The following NPC1 variants were observed in gnomAD, a reference collection of about 807,000 sequenced individuals.
NPC1 encodes the protein Niemann-Pick C1 protein.
In NPC1, 85 loss-of-function variants were observed where a neutral mutation model predicts 140.4. The ratio of observed to expected loss-of-function variants is 0.61; its 90% CI spans 0.51 to 0.72. NPC1 has a LOEUF of 0.72. NPC1 is among the 30% of genes least tolerant of loss of function. The pLI is 0.00. For synonymous variants in NPC1, 656 were observed against 624.8 expected (o/e 1.05, Z -0.74); for missense variants, 1,504 against 1,623.8 (o/e 0.93, Z 1.27).
At chr18:23,531,408 G>T, downstream of NPC1, 1 of 904,054 alleles carries the variant, frequency 1.1e-6, no homozygotes, top group Non-Finnish European at 1.6e-6. Flanking sequence ...ATGTAAGACG[G>T]CATTTAGTTA....
intron 4 of NPC1, among the ~76,000 whole-genome samples, chr18:23,565,107 T>C (rs1297641107): frequency 1.3e-5 from 2 of 152,192 alleles, no homozygotes; most frequent in Non-Finnish European, 2.9e-5. Flanking sequence ...CTTCCTATTT[T>C]GTTCTTTTTT....
chr18:23,535,408 C>A, intron 22 of NPC1, 61 bp downstream of exon 22: 3 of 1,204,640 alleles, frequency 2.5e-6, no homozygotes, highest in Non-Finnish European at 3.6e-6. Flanking sequence ...GAATCTAAGA[C>A]AGCCAATTCC....
Position 23,515,593 on chromosome 18 carries a change from A to T in NPC1, c.432-8951T>A, listed in dbSNP as rs1002876774. Among the ~76,000 whole-genome samples the T allele has an allele frequency of 2.0e-5, 3 of 152,128 alleles. No homozygotes were observed. In the South Asian group the frequency reaches 6.2e-4, roughly 32 times the overall value. ...ACTCACGCTGGAGTGTGATGGTGCAATCTTGACTCACTGCAACCTCTGCCT... is the reference window on the plus strand; with the variant it reads ...ACTCACGCTGGAGTGTGATGGTGCATTCTTGACTCACTGCAACCTCTGCCT... On this transcript the variant is annotated intron_variant, in intron 3 of 3. Coordinates refer to the NPC1 transcript ENST00000591107.
intron 1 of NPC1, among the ~76,000 whole-genome samples, chr18:23,575,537 A>G (rs958835326): frequency 6.6e-5 from 10 of 152,108 alleles, no homozygotes; most frequent in African/African-American, 1.9e-4. Flanking sequence ...GTTCCTGTGA[A>G]GATCAAATAA....
rs559640828 is a variant in NPC1, at chr18:23,517,274, C to T, written c.432-10632G>A. Among the ~76,000 whole-genome samples, 28 of 151,954 alleles carry T rather than the reference C, an allele frequency of 1.8e-4. 1 individual carries two copies. In the East Asian group the frequency reaches 3.5e-3, roughly 19 times the overall value. On this transcript the variant is annotated intron_variant, in intron 3 of 3. Coordinates refer to the NPC1 transcript ENST00000591107. ...AAGCGATTCTCCTGCCTCAGCCTCC[C>T]GAGTAGCTGGGACTACAGGTGCGTG...
Position 23,557,278 on chromosome 18 carries a change from T to C in NPC1, c.882-88A>G, listed in dbSNP as rs2058968473. The C allele has an allele frequency of 5.2e-5, 51 of 984,844 alleles. 1 individual carries two copies. In the South Asian group the frequency reaches 6.1e-4, roughly 12 times the overall value. 61.0% of individuals were successfully genotyped at this position (984,844 alleles called of 1,614,324 possible). A position where few individuals can be genotyped will look rare whatever the true frequency, so the allele number is the denominator to read the frequency against. ...ACATTCCTGTAATCCCATGAAATGC[T>C]TTCTTCCTCCTCCTGGCCTCCTCCT... On this transcript the variant is annotated intron_variant, in intron 6 of 24. Transcript: ENST00000269228.
chr18:23,582,177 A>G (rs543819574), intron 1 of NPC1: 1 of 152,290 alleles, frequency 6.6e-6, no homozygotes, highest in East Asian at 1.9e-4. Flanking sequence ...TGTTGTGTCT[A>G]GGGAAGCCAA....
chr18:23,548,099 T>C lies in NPC1; in HGVS notation c.1664A>G (p.Tyr555Cys). Residue 555 changes from tyrosine to cysteine, a missense_variant, in exon 11 of 25, where the codon TAC becomes TGC. Tyr to Cys is a radical substitution (Grantham distance 194). Coordinates refer to ENST00000269228, the MANE Select transcript of NPC1 (RefSeq NM_000271.5). ...LVLGGYDDQN[Y>C]NNATALVITF... ...AATCACAAGGGCAGTGGCGTTATTGTAGTTTTGATCTAGAAAGGAAAAATG... is the reference window on the plus strand; with the variant it reads ...AATCACAAGGGCAGTGGCGTTATTGCAGTTTTGATCTAGAAAGGAAAAATG... 3.1e-6 allele frequency: 5 copies of C among 1,604,260 alleles called. No homozygotes were observed. The highest frequency in any genetic ancestry group is 4.3e-6 in the Non-Finnish European group (5 of 1,171,236).
At chr18:23,548,320 T>C (rs1043385825) in intron 10 of NPC1, among the ~76,000 whole-genome samples, 2 of 151,030 alleles carry the variant, frequency 1.3e-5, no homozygotes, top group Non-Finnish European at 2.9e-5. Flanking sequence ...GGCATGGTTA[T>C]CATTCAGGAA....
intron 6 of NPC1, among the ~76,000 whole-genome samples, chr18:23,558,520 G>T (rs2058987821): frequency 6.6e-6 from 1 of 152,154 alleles, no homozygotes; most frequent in African/African-American, 2.4e-5. Flanking sequence ...AGAGTGTTAA[G>T]GCCAGAAAAG....
downstream of NPC1, chr18:23,524,310 CA>C: frequency 6.7e-7 from 1 of 1,487,144 alleles, no homozygotes; most frequent in Admixed American, 1.7e-5. Context: ...CCTGACTGTC[CA>C]GGGGCCTCGC....
intron 1 of NPC1, among the ~76,000 whole-genome samples, chr18:23,583,166 T>C (rs2059377478): frequency 6.8e-6 from 1 of 148,080 alleles, no homozygotes; most frequent in African/African-American, 2.5e-5. Context: ...TTGTAGATGA[T>C]ATTGGAGAGC....
At chr18:23,518,959 G>A, downstream of NPC1, 1 of 1,614,090 alleles carries the variant, frequency 6.2e-7, no homozygotes, top group Non-Finnish European at 8.5e-7. Flanking sequence ...GAGCGGAGGT[G>A]GTCCTCTATC....
intron 4 of NPC1, among the ~76,000 whole-genome samples, chr18:23,567,424 T>C (rs1299067277): frequency 6.6e-6 from 1 of 152,232 alleles, no homozygotes; most frequent in Non-Finnish European, 1.5e-5. Context: ...TATTTACCAC[T>C]GTATGCCTTC....
intron 1 of NPC1, among the ~76,000 whole-genome samples, chr18:23,574,537 AGTCT>A (rs1363804563): frequency 6.6e-6 from 1 of 152,222 alleles, no homozygotes; most frequent in East Asian, 1.9e-4. Context: ...AAGCTAAGTC[AGTCT>A]GTGTTGGTCC....
intron 19 of NPC1, 97 bp from the exon 20 acceptor site, chr18:23,538,768 T>A (rs1044176588): frequency 1.5e-6 from 2 of 1,294,578 alleles, no homozygotes; most frequent in South Asian, 2.4e-5. Context: ...ATTACTTTCT[T>A]CTCTATCGAT....
intron 3 of NPC1, among the ~76,000 whole-genome samples, chr18:23,514,083 T>C (rs1001876470): frequency 6.6e-6 from 1 of 152,238 alleles, no homozygotes. Flanking sequence ...GGGGAACTAA[T>C]TTAGAGGGTG....
chr18:23,576,514 T>G, intron 1 of NPC1: 1 of 997,574 alleles, frequency 1.0e-6, no homozygotes, highest in Non-Finnish European at 1.2e-6. Flanking sequence ...TTAGGCACTA[T>G]TTTAAATGCT....
chr18:23,585,532 T>A (rs2059407582), intron 1 of NPC1, among the ~76,000 whole-genome samples: 1 of 152,144 alleles, frequency 6.6e-6, no homozygotes, highest in Admixed American at 6.5e-5. Context: ...TCATCCTGAT[T>A]TGGTTTAACG....
Sources: allele counts gnomAD v4.1 joint callset (sites outside exome capture counted in the v4.1 genomes callset), GRCh38; gene constraint gnomAD v4.1.1; transcripts MANE v1.5; gene names NCBI Gene and HGNC (gene_info 2026-07-23, HGNC 2026-07-21).